Variants in ITPR2 observed in about 807,000 individuals in gnomAD.
The protein encoded by ITPR2 is inositol 1,4,5-trisphosphate-gated calcium channel ITPR2.
Under a neutral mutation model 317.1 loss-of-function variants are expected in ITPR2, and 207 were observed. The ratio of observed to expected loss-of-function variants is 0.65; its 90% CI spans 0.58 to 0.73. The LOEUF (loss-of-function observed/expected upper bound fraction) is 0.73. ITPR2 is among the 30% of genes least tolerant of loss of function. ITPR2 has a pLI of 0.00. For missense variants in ITPR2, 2,613 were observed against 3,284.0 expected, an observed-to-expected ratio of 0.80 and a Z score of 4.99; for synonymous variants, 1,156 against 1,149.1, an observed-to-expected ratio of 1.01 and a Z score of -0.12.
intron 5 of ITPR2, among the ~76,000 whole-genome samples, chr12:26,716,554 A>C (rs1353254868): frequency 1.3e-5 from 2 of 152,154 alleles, no homozygotes; most frequent in Non-Finnish European, 2.9e-5. Context: ...CCTCCCCACG[A>C]GGTCTTATGC....
chr12:26,682,621 T>A lies in ITPR2; in HGVS notation c.1201A>T (p.Thr401Ser). The A allele has an allele frequency of 6.2e-7, 1 of 1,613,216 alleles. No homozygotes were observed. The highest frequency in any genetic ancestry group is 8.5e-7 in the Non-Finnish European group (1 of 1,179,308). ...TCATCTGTGTCTATGGGGATACTAG[T>A]ACTGGTTACCCATGTGTTGGTGCAT... ...HLCTNTWVTS[T>S]SIPIDTDEER... The change falls in exon 12 of 57, where the codon ACT becomes TCT. Residue 401 changes from threonine to serine, a missense_variant. Physicochemically the swap from Thr to Ser is moderately conservative, Grantham distance 58. Coordinates refer to ENST00000381340, the MANE Select transcript of ITPR2 (RefSeq NM_002223.4).
intron 10 of ITPR2, among the ~76,000 whole-genome samples, chr12:26,688,069 T>TCTGTTGCCCAGG (rs1347532235): frequency 2.6e-5 from 4 of 152,104 alleles, no homozygotes; most frequent in African/African-American, 9.7e-5. Context: ...AAGGTCTCAC[T>TCTGTTGCCCAGG]CTGTTGCCCA....
chr12:26,687,234 T>G (rs1948144071), intron 10 of ITPR2, among the ~76,000 whole-genome samples: 1 of 152,190 alleles, frequency 6.6e-6, no homozygotes, highest in South Asian at 2.1e-4. Context: ...ACCCTACCAT[T>G]TTAAGCAGAA....
At chr12:26,757,656 T>C (rs1165618387) in intron 2 of ITPR2, among the ~76,000 whole-genome samples, 1 of 152,236 alleles carries the variant, frequency 6.6e-6, no homozygotes, top group African/African-American at 2.4e-5. Flanking sequence ...ACTTACGATA[T>C]TTTCAATTTG....
intron 45 of ITPR2, among the ~76,000 whole-genome samples, chr12:26,457,833 G>A (rs1941928516): frequency 6.6e-6 from 1 of 152,222 alleles, no homozygotes; most frequent in East Asian, 1.9e-4. Context: ...CCTTCTGCAA[G>A]TGAGGCTCCT....
chr12:26,494,327 T>A lies in ITPR2; in HGVS notation c.5196A>T (p.Gly1732=), dbSNP rs770252303. The change falls in exon 39 of 57, where the codon GGA becomes GGT. Residue 1732 remains glycine, a synonymous_variant. Coordinates refer to ENST00000381340, the MANE Select transcript of ITPR2 (RefSeq NM_002223.4). Reference sequence around the variant, plus strand: ...ATATCCCCATCTTATCTGAATCTTGTCCAGAAAAGCTTCCTGTGATTGGGA... The same window carrying A: ...ATATCCCCATCTTATCTGAATCTTGACCAGAAAAGCTTCCTGTGATTGGGA... ...KTAQVGGSFS[G]QDSDKMGISM... The A allele has an allele frequency of 2.5e-6, 4 of 1,603,622 alleles. No homozygotes were observed. The highest frequency in any genetic ancestry group is 3.4e-6 in the Non-Finnish European group (4 of 1,176,366).
chr12:26,769,139 T>A (rs1400021297), intron 2 of ITPR2, among the ~76,000 whole-genome samples: 1 of 152,138 alleles, frequency 6.6e-6, no homozygotes, highest in African/African-American at 2.4e-5. Context: ...GGGTTCCAGC[T>A]GAAGGGCAAG....
intron 10 of ITPR2, among the ~76,000 whole-genome samples, chr12:26,692,507 T>G (rs1948260166): frequency 6.6e-6 from 1 of 152,030 alleles, no homozygotes; most frequent in African/African-American, 2.4e-5. Context: ...TCCAAAAAAT[T>G]CCCCTTCAAA....
At chr12:26,813,515 T>C (rs1340507069) in intron 1 of ITPR2, among the ~76,000 whole-genome samples, 1 of 152,214 alleles carries the variant, frequency 6.6e-6, no homozygotes, top group African/African-American at 2.4e-5. Flanking sequence ...TTTGGGAAGT[T>C]TGTTTCAGAA....
At chr12:26,388,319 A>G (rs1565499664) in intron 54 of ITPR2, among the ~76,000 whole-genome samples, 1 of 152,220 alleles carries the variant, frequency 6.6e-6, no homozygotes, top group Non-Finnish European at 1.5e-5. Flanking sequence ...CATGAATTTG[A>G]GTGCCAAGTG....
rs543369160 is a variant in ITPR2 at position 26,814,891 on chromosome 12, A to G, written c.92+17799T>C. ...TGTAAAAATCATTAATACTTACAAGAGAAGCATGATAATTTGATTAGTTAC... is the reference window on the plus strand; with the variant it reads ...TGTAAAAATCATTAATACTTACAAGGGAAGCATGATAATTTGATTAGTTAC... On this transcript the variant is annotated intron_variant, in intron 1 of 56. Transcript: ENST00000381340. Among the ~76,000 whole-genome samples, 3 of 152,358 alleles carry G rather than the reference A, an allele frequency of 2.0e-5. No homozygotes were observed. The East Asian group carries it at 5.8e-4, about 29-fold the overall frequency.
At chr12:26,639,442 T>G (rs1326053747) in intron 21 of ITPR2, among the ~76,000 whole-genome samples, 1 of 152,072 alleles carries the variant, frequency 6.6e-6, no homozygotes, top group African/African-American at 2.4e-5. Context: ...TATAGATAAT[T>G]TATATGGTTC....
intron 54 of ITPR2, among the ~76,000 whole-genome samples, chr12:26,390,674 T>C (rs1428349791): frequency 6.6e-6 from 1 of 152,180 alleles, no homozygotes; most frequent in Non-Finnish European, 1.5e-5. Flanking sequence ...TGGTGATGGA[T>C]GCACAACTCT....
intron 12 of ITPR2, 44 bp from the exon 13 acceptor site, chr12:26,682,078 C>T: frequency 6.6e-7 from 1 of 1,522,888 alleles, no homozygotes; most frequent in South Asian, 1.2e-5. Flanking sequence ...AACAACTATA[C>T]AATATTCTTT....
chr12:26,642,365 G>A (rs1264905367), intron 21 of ITPR2, among the ~76,000 whole-genome samples: 1 of 152,196 alleles, frequency 6.6e-6, no homozygotes, highest in East Asian at 1.9e-4. Flanking sequence ...GAAGTCATGA[G>A]AGCACCACCC....
chr12:26,473,354 A>T lies in ITPR2; in HGVS notation c.6342+1942T>A, dbSNP rs1466573621. Among the ~76,000 whole-genome samples the T allele has an allele frequency of 5.3e-5, 8 of 152,114 alleles. No individual in the cohort carries two copies. In the East Asian group the frequency reaches 1.5e-3, roughly 29 times the overall value. ...GTGGTTCATTCATTGTCTGCTGGCC[A>T]ATCTGTCACTCTGCTGGCTCCAGGG... On this transcript the variant is annotated intron_variant, in intron 45 of 56. Transcript: ENST00000381340.
intron 55 of ITPR2, among the ~76,000 whole-genome samples, chr12:26,367,068 T>TA (rs1222192279): frequency 6.6e-6 from 1 of 152,196 alleles, no homozygotes; most frequent in Admixed American, 6.5e-5. Flanking sequence ...TTCTACAGAG[T>TA]GACTGTAGTG....
In ITPR2 at chr12:26,620,699, C is replaced by T. The variant is rs967467422; in HGVS notation, c.3462+424G>A. ...AGCATATTGGTCTTCCATTTAGATA[C>T]TTTTATATATTATATAAGGATATGC... On this transcript the variant is annotated intron_variant, in intron 26 of 56. Transcript: ENST00000381340. 2.6e-5 allele frequency among the ~76,000 whole-genome samples: 4 copies of T among 152,156 alleles called. No homozygotes were observed. The South Asian group carries it at 6.2e-4, about 24-fold the overall frequency.
chr12:26,408,429 C>T (rs938897287), intron 52 of ITPR2, among the ~76,000 whole-genome samples: 1 of 152,136 alleles, frequency 6.6e-6, no homozygotes, highest in Non-Finnish European at 1.5e-5. Context: ...TTACAATAGA[C>T]CATTTGGTTG....
Sources: allele counts gnomAD v4.1 joint callset (sites outside exome capture counted in the v4.1 genomes callset), GRCh38; gene constraint gnomAD v4.1.1; transcripts MANE v1.5; gene names NCBI Gene and HGNC (gene_info 2026-07-23, HGNC 2026-07-21).